The following AGFG2 variants were observed in gnomAD, a reference collection of about 807,000 sequenced individuals.
AGFG2 encodes the protein ArfGAP with FG repeats 2.
AGFG2 carries 31 observed loss-of-function variants against 48.0 expected under a neutral mutation model. The observed-to-expected ratio is 0.65, with a 90% confidence interval of 0.49 to 0.87. The LOEUF is 0.87. Ranked by LOEUF, AGFG2 falls within the 40% of genes least tolerant of loss-of-function variation. The pLI, the probability that AGFG2 is intolerant of heterozygous loss-of-function variation, is 0.00. For missense variants in AGFG2, 599 were observed against 632.6 expected (o/e 0.95, Z 0.57); for synonymous variants, 229 against 260.8 (o/e 0.88, Z 1.18).
intron 1 of AGFG2, among the ~76,000 whole-genome samples, chr7:100,546,147 T>A (rs1013038214): frequency 6.6e-6 from 1 of 152,118 alleles, no homozygotes; most frequent in Non-Finnish European, 1.5e-5. Flanking sequence ...CCCATCATCC[T>A]GTCACGTCTG....
chr7:100,539,514 C>T lies in AGFG2; in HGVS notation c.168C>T (p.Thr56=). Residue 56 remains threonine (T), a synonymous_variant, in exon 1 of 12, where the codon ACC becomes ACT. Coordinates refer to ENST00000300176, the MANE Select transcript of AGFG2 (RefSeq NM_006076.5). ...HCFECAQRGV[T]YVDITVGSFV... is the part of the protein sequence containing the mutation. ...TCGAGTGCGCCCAGCGCGGGGTCAC[C>T]TACGTGGATATCACCGTGGGCAGCT... The T allele has an allele frequency of 7.6e-7, 1 of 1,308,192 alleles. No homozygotes were observed. 81.0% of individuals were successfully genotyped at this position (1,308,192 alleles called of 1,614,324 possible).
At chr7:100,554,354 C>T in intron 5 of AGFG2, 96 bp downstream of exon 5, 1 of 1,423,848 alleles carries the variant, frequency 7.0e-7, no homozygotes, top group Non-Finnish European at 9.4e-7. Flanking sequence ...TAGATCTTCT[C>T]ATGCAAACAA....
At chr7:100,549,197 G>C (rs151193397) in intron 2 of AGFG2, among the ~76,000 whole-genome samples, 1 of 152,182 alleles carries the variant, frequency 6.6e-6, no homozygotes. Context: ...GCTCCAGAGC[G>C]TGAGCATTCA....
chr7:100,553,523 A>G (rs1584386076), intron 4 of AGFG2, 23 bp downstream of exon 4: 1 of 1,575,412 alleles, frequency 6.3e-7, no homozygotes, highest in Non-Finnish European at 8.6e-7. Flanking sequence ...TCTGCTCGTC[A>G]TGTTTCTTTT....
chr7:100,550,421 T>C lies in AGFG2; in HGVS notation c.341T>C (p.Leu114Pro), dbSNP rs1339417333. The change falls in exon 3 of 12, where the codon CTG (leucine) becomes CCG (proline). Residue 114 changes from leucine (L) to proline (P), a missense_variant. Leu to Pro is a moderately conservative substitution (Grantham distance 98, BLOSUM62 -3). Transcript: ENST00000300176. Reference protein sequence around the residue: ...NEVCRKIWLGLFDARTSLVPD... With the variant: ...NEVCRKIWLGPFDARTSLVPD... The stretch of plus-strand genomic sequence containing the variant: ...GTTTGCCGGAAGATTTGGTTGGGTC[T>C]GTTTGATGCTCGGACATCTTTAGTA... 1 of 1,613,624 alleles carries C rather than the reference T, an allele frequency of 6.2e-7. No homozygotes were observed. The highest frequency in any genetic ancestry group is 1.7e-5 in the Admixed American group (1 of 60,004).
At chr7:100,542,208 G>A (rs11972116) in intron 1 of AGFG2, among the ~76,000 whole-genome samples, 12,361 of 152,158 alleles carry the variant, frequency 0.081, 554 homozygotes, top group African/African-American at 0.12. Context: ...TAGAGACGGG[G>A]TTTTGCCATG....
Position 100,539,498 on chromosome 7 carries a change from C to A in AGFG2, c.152C>A (p.Ala51Asp). ...GGGAACCGCCACTGCTTCGAGTGCG[C>A]CCAGCGCGGGGTCACCTACGTGGAT... ...QAGNRHCFEC[A>D]QRGVTYVDIT... The change falls in exon 1 of 12, where the codon GCC (alanine) becomes GAC (aspartate). Residue 51 changes from alanine (A) to aspartate (D), a missense_variant. Coordinates refer to ENST00000300176, the MANE Select transcript of AGFG2 (RefSeq NM_006076.5). 7.6e-7 allele frequency: 1 copy of A among 1,315,080 alleles called. No homozygotes were observed. The highest frequency in any genetic ancestry group is 9.8e-7 in the Non-Finnish European group (1 of 1,025,624). 81.5% of individuals were successfully genotyped at this position (1,315,080 alleles called of 1,614,324 possible). A position where few individuals can be genotyped will look rare whatever the true frequency, so the allele number is the denominator to read the frequency against.
chr7:100,550,292 C>A (rs1030148043), intron 2 of AGFG2, 104 bp from the exon 3 acceptor site: 2 of 771,488 alleles, frequency 2.6e-6, no homozygotes, highest in African/African-American at 2.2e-5. Flanking sequence ...GGCGACAGAG[C>A]GAGACTCCGT....
rs940097129 is a variant in AGFG2 at position 100,562,438 on chromosome 7, A to G, written c.998+59A>G. The G allele has an allele frequency of 9.3e-6, 15 of 1,606,030 alleles. No individual in the cohort carries two copies. Among genetic ancestry groups the G allele is most frequent in the South Asian group, 7.7e-5 (7 of 90,584 alleles). On this transcript the variant is annotated intron_variant, in intron 7 of 11. Transcript: ENST00000300176. The surrounding 1 kb of genome is among the most constrained non-coding windows in gnomAD (Gnocchi z 5.4). ...CAGGAGAGCCGCCCGAAGCCTGGCC[A>G]TGTTCCTCCCAGCCCCATCGGCATC... is the stretch of plus-strand genomic sequence containing the variant.
Position 100,562,770 on chromosome 7 carries a change from T to G in AGFG2, c.1087+88T>G. The G allele has an allele frequency of 6.3e-7, 1 of 1,592,762 alleles. No individual in the cohort carries two copies. Among genetic ancestry groups the G allele is most frequent in the Non-Finnish European group, 8.6e-7 (1 of 1,165,236 alleles). On this transcript the variant is annotated intron_variant, in intron 8 of 11. Transcript: ENST00000300176. The surrounding 1 kb of genome is among the most constrained non-coding windows in gnomAD (Gnocchi z 5.4). ...TGGACAGGGTGGGAAGGGGAGAGAT[T>G]GAGAGGAATGCTCAGGCATCACAGG...
In AGFG2 at chr7:100,562,999, A is replaced by G. The variant is rs1800913150; in HGVS notation, c.1171+53A>G. On this transcript the variant is annotated intron_variant, in intron 9 of 11. Coordinates refer to ENST00000300176, the MANE Select transcript of AGFG2 (RefSeq NM_006076.5). The surrounding 1 kb of genome is among the most constrained non-coding windows in gnomAD (Gnocchi z 5.4). ...TGACCATCTGAGACTTCCAAGGCACACATTACCCTGCAGCCTCTCCCTTAA... is the reference window on the plus strand; with the variant it reads ...TGACCATCTGAGACTTCCAAGGCACGCATTACCCTGCAGCCTCTCCCTTAA... The G allele has an allele frequency of 6.6e-7, 1 of 1,505,484 alleles. No individual in the cohort carries two copies. Among genetic ancestry groups the G allele is most frequent in the Non-Finnish European group, 9.2e-7 (1 of 1,090,942 alleles). 93.3% of individuals were successfully genotyped at this position (1,505,484 alleles called of 1,614,324 possible). A position where few individuals can be genotyped will look rare whatever the true frequency, so the allele number is the denominator to read the frequency against.
At chr7:100,551,259 C>T (rs998178444) in intron 3 of AGFG2, among the ~76,000 whole-genome samples, 47 of 150,624 alleles carry the variant, frequency 3.1e-4, no homozygotes, top group Non-Finnish European at 5.5e-4. Context: ...TTAGTAGAGA[C>T]GGAGTTTCAC....
chr7:100,561,161 T>A (rs374024147), intron 6 of AGFG2, among the ~76,000 whole-genome samples: 133 of 133,934 alleles, frequency 9.9e-4, no homozygotes, highest in African/African-American at 3.6e-3. Flanking sequence ...AGTTTCGCTC[T>A]TATTGCCCAG....
At position 100,551,030 on chromosome 7, in the gene AGFG2, T is replaced by TTATATATTTATATATA. The variant is rs1800621792; in HGVS notation, c.431+526_431+527insTTATATATATATATAT. 5.4e-5 allele frequency among the ~76,000 whole-genome samples: 3 copies of TTATATATTTATATATA among 56,030 alleles called. No homozygotes were observed. The South Asian group carries it at 2.5e-3, about 46-fold the overall frequency. The allele number at this position is 56,030 out of a possible 152,430, so 36.8% of individuals were successfully genotyped here. A position where few individuals can be genotyped will look rare whatever the true frequency, so the allele number is the denominator to read the frequency against. ...GTGTGTGCCACCATGCCTGGCTAAT[T>TTATATATTTATATATA]TATATATATATATATATATATATAT... On this transcript the variant is annotated intron_variant, in intron 3 of 11. Coordinates refer to ENST00000300176, the MANE Select transcript of AGFG2 (RefSeq NM_006076.5).
At position 100,562,444 on chromosome 7, in the gene AGFG2, C is replaced by T; in HGVS notation, c.998+65C>T. 6.2e-7 allele frequency: 1 copy of T among 1,604,496 alleles called. No homozygotes were observed. The highest frequency in any genetic ancestry group is 8.5e-7 in the Non-Finnish European group (1 of 1,174,420). On this transcript the variant is annotated intron_variant, in intron 7 of 11. Transcript: ENST00000300176. The surrounding 1 kb of genome is among the most constrained non-coding windows in gnomAD (Gnocchi z 5.4). Reference sequence around the variant, plus strand: ...AGCCGCCCGAAGCCTGGCCATGTTCCTCCCAGCCCCATCGGCATCTCCTGG... The same window carrying T: ...AGCCGCCCGAAGCCTGGCCATGTTCTTCCCAGCCCCATCGGCATCTCCTGG...
intron 2 of AGFG2, among the ~76,000 whole-genome samples, 174 bp downstream of exon 2, chr7:100,549,089 A>G (rs1800572502): frequency 1.3e-5 from 2 of 152,192 alleles, no homozygotes. Flanking sequence ...TGTTATACAA[A>G]TCATGGTTTG....
At chr7:100,564,107 G>C in intron 10 of AGFG2, 111 bp from the exon 11 acceptor site, 3 of 1,525,356 alleles carry the variant, frequency 2.0e-6, no homozygotes, top group Non-Finnish European at 2.7e-6. Context: ...ACCCGCCCGG[G>C]TACTTCCACT....
In AGFG2 at chr7:100,562,360, G is replaced by C. The variant is rs778865607; in HGVS notation, c.979G>C (p.Ala327Pro). The C allele has an allele frequency of 4.3e-6, 7 of 1,613,902 alleles. No homozygotes were observed. The South Asian group carries it at 7.7e-5, about 18-fold the overall frequency. The change falls in exon 7 of 12, where the codon GCT becomes CCT. Residue 327 changes from alanine to proline, a missense_variant. Transcript: ENST00000300176. This position sits in a 1 kb window ranked among gnomAD's most constrained non-coding sequence, Gnocchi z 5.4. ...CAGCTTCCTGGGACCCGGGGTGCCC[G>C]CTGCAGGTGTTCCTAGCAGGTAGGT... ...VGSFLGPGVP[A>P]AGVPSSLFGM...
At chr7:100,545,785 C>T (rs1444428504) in intron 1 of AGFG2, among the ~76,000 whole-genome samples, 1 of 152,190 alleles carries the variant, frequency 6.6e-6, no homozygotes, top group Non-Finnish European at 1.5e-5. Context: ...CGCTGCATGA[C>T]CCTGGTGTGT....
Sources: allele counts gnomAD v4.1 joint callset (sites outside exome capture counted in the v4.1 genomes callset), GRCh38; gene constraint gnomAD v4.1.1; non-coding constraint Gnocchi (gnomAD v3.1); transcripts MANE v1.5; gene names NCBI Gene and HGNC (gene_info 2026-07-23, HGNC 2026-07-21).